The following LAMA3 variants were observed in gnomAD, a reference collection of about 807,000 sequenced individuals.
The protein encoded by LAMA3 is laminin subunit alpha-3.
LAMA3 carries 281 observed loss-of-function variants against 402.0 expected under a neutral mutation model. That is an observed-to-expected ratio of 0.70 (90% confidence interval 0.63 to 0.77). The LOEUF is 0.77. Among genes scored for constraint, LAMA3 ranks in the 30% least tolerant of loss-of-function variants. The pLI is 0.00. For missense variants in LAMA3, 3,840 were observed against 4,215.5 expected (o/e 0.91, Z 2.47); for synonymous variants, 1,431 against 1,558.4 (o/e 0.92, Z 1.93).
chr18:23,952,874 T>C, intron 73 of LAMA3, 116 bp from the exon 74 acceptor site: 2 of 1,399,980 alleles, frequency 1.4e-6, no homozygotes, highest in Non-Finnish European at 2.0e-6. Flanking sequence ...CTGACCAAAT[T>C]TCTGCAAACA....
intron 12 of LAMA3, among the ~76,000 whole-genome samples, chr18:23,803,272 A>C (rs1278670912): frequency 6.6e-6 from 1 of 152,152 alleles, no homozygotes; most frequent in Non-Finnish European, 1.5e-5. Context: ...ACCCTGGAGA[A>C]TGGTGCCATA....
intron 19 of LAMA3, among the ~76,000 whole-genome samples, chr18:23,820,355 T>G (rs2063260900): frequency 6.6e-6 from 1 of 152,244 alleles, no homozygotes; most frequent in Non-Finnish European, 1.5e-5. Context: ...CAGTTTTCTT[T>G]AAAGCCATTT....
In LAMA3 at chr18:23,949,914, T is replaced by C; in HGVS notation, c.9501T>C (p.His3167=). The C allele has an allele frequency of 2.5e-6, 4 of 1,614,120 alleles. No individual in the cohort carries two copies. Among genetic ancestry groups the C allele is most frequent in the South Asian group, 1.1e-5 (1 of 91,080 alleles). The change falls in exon 71 of 75, where the codon CAT becomes CAC. Residue 3167 remains histidine (H), a synonymous_variant. Transcript: ENST00000313654. ...KGIYFSEEGG[H]VVLAHSVLLG... ...TTTATTTCTCTGAAGAAGGAGGTCA[T>C]GTCGTCTTGGGTAAGGAGCAGTTCT...
intron 2 of LAMA3, among the ~76,000 whole-genome samples, chr18:23,735,686 C>T (rs923202871): frequency 6.6e-6 from 1 of 152,156 alleles, no homozygotes; most frequent in Admixed American, 6.5e-5. Flanking sequence ...GCCAACCTTG[C>T]GTGTTACATG....
chr18:23,839,935 G>C lies in LAMA3; in HGVS notation c.3336+6G>C. The C allele has an allele frequency of 6.2e-7, 1 of 1,614,124 alleles. No individual in the cohort carries two copies. Among genetic ancestry groups the C allele is most frequent in the South Asian group, 1.1e-5 (1 of 91,082 alleles). On this transcript the variant is annotated splice_donor_region_variant and intron_variant, in intron 27 of 74. Transcript: ENST00000313654. The surrounding 1 kb of genome is among the most constrained non-coding windows in gnomAD (Gnocchi z 4.5). ...TCACCTTGAAGGCACCGCAGGTAGTGTGCTGTTTCTAAACCAGTGGTTCTC... is the reference window on the plus strand; with the variant it reads ...TCACCTTGAAGGCACCGCAGGTAGTCTGCTGTTTCTAAACCAGTGGTTCTC...
chr18:23,827,569 G>T, intron 23 of LAMA3, 102 bp downstream of exon 23: 1 of 1,318,720 alleles, frequency 7.6e-7, no homozygotes. Flanking sequence ...AGGGGAACCT[G>T]GAAGAATTTC....
chr18:23,868,121 T>A (rs1367735089), intron 37 of LAMA3, among the ~76,000 whole-genome samples: 1 of 152,116 alleles, frequency 6.6e-6, no homozygotes, highest in African/African-American at 2.4e-5. Context: ...AGCACCAACA[T>A]GACACTCAAA....
intron 68 of LAMA3, among the ~76,000 whole-genome samples, chr18:23,942,279 G>A (rs1220538454): frequency 6.6e-6 from 1 of 152,178 alleles, no homozygotes; most frequent in Non-Finnish European, 1.5e-5. Context: ...TAAGACGTTA[G>A]CCACAGGAAT....
At chr18:23,812,335 C>A (rs1474208905) in intron 13 of LAMA3, among the ~76,000 whole-genome samples, 1 of 152,116 alleles carries the variant, frequency 6.6e-6, no homozygotes, top group East Asian at 1.9e-4. Context: ...GAGCAAGACC[C>A]TGTCTCAAAA....
intron 8 of LAMA3, among the ~76,000 whole-genome samples, chr18:23,765,914 A>G (rs1312641247): frequency 6.6e-6 from 1 of 152,146 alleles, no homozygotes; most frequent in African/African-American, 2.4e-5. Context: ...TCTAGTCTGA[A>G]GAAGAGAAAG....
In LAMA3 at chr18:23,933,892, G is replaced by T. The variant is rs758044833; in HGVS notation, c.8819G>T (p.Gly2940Val). 6 of 1,614,138 alleles carry T rather than the reference G, an allele frequency of 3.7e-6. No homozygotes were observed. The South Asian group carries it at 6.6e-5, about 18-fold the overall frequency. Reference protein sequence around the residue: ...NKPPFLMLLKGSTRFNKTKTF... With the variant: ...NKPPFLMLLKVSTRFNKTKTF... ...CCACCTTTTCTAATGTTGCTTAAAG[G>T]TTCTACCAGGTTTAACAAGACCAAG... Residue 2940 changes from glycine to valine, a missense_variant, in exon 67 of 75, where the codon GGT (glycine) becomes GTT (valine). Gly to Val is a moderately radical substitution (Grantham distance 109). Around this residue, in one of 3 missense-constraint regions of LAMA3, gnomAD observed 840 missense variants for 981.9 expected, o/e 0.86. Transcript: ENST00000313654.
At position 23,918,959 on chromosome 18, in the gene LAMA3, C is replaced by G. The variant is rs1453223413; in HGVS notation, c.7924-1976C>G. ...CAGCCAGCCTGAAGGATACATAGAG[C>G]AGAGAAGTCATCCAGCATCTTCAGG... On this transcript the variant is annotated intron_variant, in intron 60 of 74. Transcript: ENST00000313654. The surrounding 1 kb of genome is among the most constrained non-coding windows in gnomAD (Gnocchi z 4.1). Among the ~76,000 whole-genome samples, 5 of 152,320 alleles carry G rather than the reference C, an allele frequency of 3.3e-5. No individual in the cohort carries two copies. The highest frequency in any genetic ancestry group is 7.2e-5 in the African/African-American group (3 of 41,570).
chr18:23,705,492 CAT>C (rs34357246), intron 1 of LAMA3, among the ~76,000 whole-genome samples: 101 of 147,506 alleles, frequency 6.8e-4, no homozygotes, highest in African/African-American at 2.4e-3. Context: ...GACATATATG[CAT>C]ATATATATAC....
chr18:23,917,112 C>T (rs1417434812), intron 60 of LAMA3, among the ~76,000 whole-genome samples: 3 of 152,070 alleles, frequency 2.0e-5, no homozygotes, highest in South Asian at 2.1e-4. Flanking sequence ...TAAGTGAGAA[C>T]GTGTGGTATT....
rs374561423 is a variant in LAMA3 at position 23,844,988 on chromosome 18, A to G, written c.3604-21A>G. 4.6e-6 allele frequency: 6 copies of G among 1,315,366 alleles called. No homozygotes were observed. In the Admixed American group the frequency reaches 5.0e-5, roughly 11 times the overall value. 81.5% of individuals were successfully genotyped at this position (1,315,366 alleles called of 1,614,324 possible). ...GTGTCATCATTGGAAATTCTAAGAC[A>G]TGCTGGTGGATTTCTTTCAGGTCCG... On this transcript the variant is annotated intron_variant, in intron 29 of 74. Transcript: ENST00000313654.
intron 27 of LAMA3, among the ~76,000 whole-genome samples, chr18:23,841,639 A>G (rs977594717): frequency 6.6e-6 from 1 of 152,214 alleles, no homozygotes; most frequent in African/African-American, 2.4e-5. Context: ...AAATGGAGTC[A>G]GAGCTGGGCA....
chr18:23,914,707 G>A lies in LAMA3; in HGVS notation c.7491G>A (p.Gln2497=). Residue 2497 remains glutamine, a synonymous_variant, in exon 58 of 75, where the codon CAG becomes CAA. Coordinates refer to ENST00000313654, the MANE Select transcript of LAMA3 (RefSeq NM_198129.4). ...MDRVKFQRIY[Q]FARLNYTKGA... ...AATTCATTTTAAACAGAATTTATCAGTTTGCAAGGCTTAATTACACCAAAG... is the reference window on the plus strand; with the variant it reads ...AATTCATTTTAAACAGAATTTATCAATTTGCAAGGCTTAATTACACCAAAG... 6.2e-7 allele frequency: 1 copy of A among 1,612,870 alleles called. No homozygotes were observed. The highest frequency in any genetic ancestry group is 8.5e-7 in the Non-Finnish European group (1 of 1,179,208).
At chr18:23,924,970 G>T (rs2081962927) in intron 62 of LAMA3, among the ~76,000 whole-genome samples, 1 of 152,216 alleles carries the variant, frequency 6.6e-6, no homozygotes, top group Admixed American at 6.5e-5. Context: ...GCTGTTCTGG[G>T]TGTTGCCTCA....
chr18:23,934,649 C>CGGATCT (rs1568363271), intron 67 of LAMA3, among the ~76,000 whole-genome samples: 1 of 152,184 alleles, frequency 6.6e-6, no homozygotes, highest in African/African-American at 2.4e-5. Context: ...GTGGGCACCT[C>CGGATCT]GGATCTGCCA....
Sources: allele counts gnomAD v4.1 joint callset (sites outside exome capture counted in the v4.1 genomes callset), GRCh38; gene constraint gnomAD v4.1.1; regional missense constraint gnomAD v4.1.1; non-coding constraint Gnocchi (gnomAD v3.1); transcripts MANE v1.5; gene names NCBI Gene and HGNC (gene_info 2026-07-23, HGNC 2026-07-21).